LPCAT2: variants seen among roughly 807,000 people sequenced by gnomAD.
LPCAT2 encodes lysophosphatidylcholine acyltransferase 2, also known as 1-AGP acyltransferase 11.
Under a neutral mutation model 64.7 loss-of-function variants are expected in LPCAT2, and 58 were observed. That is an observed-to-expected ratio of 0.90 (90% CI 0.73 to 1.12). LPCAT2 has a LOEUF of 1.12. Ranked by LOEUF, LPCAT2 falls within the 50% of genes most tolerant of loss-of-function variation. The pLI is 0.00. For missense variants in LPCAT2, 579 were observed against 669.8 expected (o/e 0.86, Z 1.50); for synonymous variants, 252 against 245.3 (o/e 1.03, Z -0.26).
chr16:55,571,526 C>T (rs1208421876), intron 11 of LPCAT2, among the ~76,000 whole-genome samples: 2 of 152,150 alleles, frequency 1.3e-5, no homozygotes, highest in Admixed American at 1.3e-4. Flanking sequence ...CTCTGGACTT[C>T]TCTGGGCTCC....
chr16:55,521,707 C>T (rs1396988026), intron 1 of LPCAT2, among the ~76,000 whole-genome samples: 1 of 151,618 alleles, frequency 6.6e-6, no homozygotes, highest in Non-Finnish European at 1.5e-5. Flanking sequence ...CAATGTAATT[C>T]ACCATATAAG....
At chr16:55,557,303 CTCTT>C (rs780648956) in intron 11 of LPCAT2, among the ~76,000 whole-genome samples, 4 of 152,002 alleles carry the variant, frequency 2.6e-5, no homozygotes, top group Admixed American at 6.6e-5. Flanking sequence ...CTCTCTCTCT[CTCTT>C]TCTGTTCTGA....
chr16:55,547,762 A>AT (rs1331109593), intron 9 of LPCAT2, among the ~76,000 whole-genome samples: 18 of 150,460 alleles, frequency 1.2e-4, no homozygotes, highest in East Asian at 3.9e-4. Context: ...TTAGATAGAA[A>AT]TTTTTTTTTT....
chr16:55,523,485 G>A (rs2142395342), intron 1 of LPCAT2, among the ~76,000 whole-genome samples: 1 of 151,778 alleles, frequency 6.6e-6, no homozygotes, highest in South Asian at 2.1e-4. Context: ...TTTGAACATT[G>A]ATGTTCATAT....
At chr16:55,557,533 C>T (rs1457495167) in intron 11 of LPCAT2, among the ~76,000 whole-genome samples, 2 of 152,166 alleles carry the variant, frequency 1.3e-5, no homozygotes, top group African/African-American at 4.8e-5. Context: ...TCTTGCTAAA[C>T]TAAGTACACA....
intron 11 of LPCAT2, among the ~76,000 whole-genome samples, chr16:55,561,075 G>C (rs567596950): frequency 6.6e-6 from 1 of 151,936 alleles, no homozygotes; most frequent in East Asian, 1.9e-4. Flanking sequence ...ATCCTATAAT[G>C]TATGTCTTTT....
At chr16:55,516,953 T>C (rs1963021247) in intron 1 of LPCAT2, among the ~76,000 whole-genome samples, 1 of 152,072 alleles carries the variant, frequency 6.6e-6, no homozygotes, top group African/African-American at 2.4e-5. Flanking sequence ...CCACAGTGGA[T>C]TGAAAGTAGA....
chr16:55,531,161 A>G (rs1357307548), intron 4 of LPCAT2, among the ~76,000 whole-genome samples: 2 of 152,180 alleles, frequency 1.3e-5, no homozygotes, highest in Non-Finnish European at 2.9e-5. Flanking sequence ...GTGGCAATGT[A>G]GCCCAATAAT....
chr16:55,524,529 C>T (rs192990221), intron 1 of LPCAT2, among the ~76,000 whole-genome samples: 1 of 151,804 alleles, frequency 6.6e-6, no homozygotes, highest in Non-Finnish European at 1.5e-5. Flanking sequence ...TACTTTAGAT[C>T]TGTACATTTC....
At chr16:55,525,106 T>G (rs1189126245) in intron 1 of LPCAT2, among the ~76,000 whole-genome samples, 2 of 152,118 alleles carry the variant, frequency 1.3e-5, no homozygotes, top group Admixed American at 6.5e-5. Flanking sequence ...CTTTTCTACC[T>G]AAAGCTCTCA....
chr16:55,537,678 C>G, intron 8 of LPCAT2, 46 bp downstream of exon 8: 1 of 1,560,560 alleles, frequency 6.4e-7, no homozygotes. Context: ...TTTGGCCTTT[C>G]CTTTAATTTT....
In LPCAT2 at chr16:55,584,806, T is replaced by C. The variant is rs2142430706; in HGVS notation, c.*1708T>C. 1 of 152,306 alleles carries C rather than the reference T, an allele frequency of 6.6e-6. No homozygotes were observed. Among genetic ancestry groups the C allele is most frequent in the East Asian group, 1.9e-4 (1 of 5,196 alleles). 9.4% of individuals were successfully genotyped at this position (152,306 alleles called of 1,614,324 possible). A position where few individuals can be genotyped will look rare whatever the true frequency, so the allele number is the denominator to read the frequency against. ...GTGTTTGGATAAATATCTGAAAATT[T>C]TATCCTTAAGTATATATAATTATTT... is the stretch of plus-strand genomic sequence containing the variant. On this transcript the variant is annotated 3_prime_UTR_variant, in exon 14 of 14. Transcript: ENST00000262134.
At chr16:55,536,280 C>T (rs142067402) in intron 7 of LPCAT2, among the ~76,000 whole-genome samples, 1 of 152,308 alleles carries the variant, frequency 6.6e-6, no homozygotes, top group East Asian at 1.9e-4. Flanking sequence ...AGTTTTGTAT[C>T]AGACTAAGAA....
At chr16:55,516,987 G>T (rs1447207153) in intron 1 of LPCAT2, among the ~76,000 whole-genome samples, 1 of 151,974 alleles carries the variant, frequency 6.6e-6, no homozygotes, top group East Asian at 1.9e-4. Flanking sequence ...AAAAATTTGA[G>T]AAATTCACAA....
intron 13 of LPCAT2, among the ~76,000 whole-genome samples, chr16:55,580,843 C>G (rs1963880894): frequency 1.4e-5 from 1 of 69,484 alleles, no homozygotes; most frequent in South Asian, 5.2e-4. Context: ...CGCATGAACC[C>G]TATTGTGAAC....
At chr16:55,568,420 C>CA (rs1167027521) in intron 11 of LPCAT2, among the ~76,000 whole-genome samples, 7 of 151,686 alleles carry the variant, frequency 4.6e-5, no homozygotes, top group Non-Finnish European at 1.0e-4. Context: ...CAAAGAAAAA[C>CA]AAAAAAAGAA....
rs972165330 is a variant in LPCAT2, at chr16:55,549,356, A to G, written c.1015A>G (p.Met339Val). 2.5e-6 allele frequency: 4 copies of G among 1,603,706 alleles called. No homozygotes were observed. The African/African-American group carries it at 4.0e-5, about 16-fold the overall frequency. The change falls in exon 10 of 14, where the codon ATG becomes GTG. Residue 339 changes from methionine to valine, a missense_variant. Physicochemically the swap from Met to Val is conservative, Grantham distance 21 (BLOSUM62 1). Coordinates refer to ENST00000262134, the MANE Select transcript of LPCAT2 (RefSeq NM_017839.5). The stretch of plus-strand genomic sequence containing the variant: ...TTCAGCAGGACAGCTAACATTGCCT[A>G]TGGAAGCTGGGCTGGTGGAATTTAC... ...MISAGQLTLP[M>V]EAGLVEFTKI...
At position 55,582,915 on chromosome 16, in the gene LPCAT2, G is replaced by A; in HGVS notation, c.1452G>A (p.Glu484=). The part of the protein sequence containing the change: ...EIAQGDSISY[E]EFKSFALKHP... ...GGATTTTTTTTCTTTCTCTTCTAGA[G>A]GAATTTAAAAGTTTTGCCTTAAAGC... is the stretch of plus-strand genomic sequence containing the variant. Residue 484 remains glutamate, a splice_region_variant and synonymous_variant, in exon 14 of 14, where the codon GAG becomes GAA. Coordinates refer to ENST00000262134, the MANE Select transcript of LPCAT2 (RefSeq NM_017839.5). The A allele has an allele frequency of 6.2e-7, 1 of 1,600,572 alleles. No homozygotes were observed. Among genetic ancestry groups the A allele is most frequent in the Non-Finnish European group, 8.5e-7 (1 of 1,171,054 alleles).
intron 8 of LPCAT2, chr16:55,541,660 T>C (rs1445479666): frequency 2.6e-5 from 7 of 266,948 alleles, no homozygotes; most frequent in Non-Finnish European, 5.2e-5. Context: ...CTAATCCTGT[T>C]ACTACCTACC....
Sources: gnomAD v4.1 joint callset for allele counts (sites outside exome capture counted in the v4.1 genomes callset) on GRCh38, gnomAD v4.1.1 for gene constraint, MANE v1.5 for transcripts, NCBI Gene and HGNC (gene_info 2026-07-23, HGNC 2026-07-21) for gene names.